The following TMEM196 variants were observed in gnomAD, a reference collection of about 807,000 sequenced individuals.
TMEM196 encodes the protein transmembrane protein 196.
Under a neutral mutation model 20.0 loss-of-function variants are expected in TMEM196, and 17 were observed. That is an observed-to-expected ratio of 0.85 (90% CI 0.58 to 1.27). TMEM196 has a LOEUF of 1.27. Ranked by LOEUF, TMEM196 falls within the 50% of genes most tolerant of loss-of-function variation. TMEM196 has a pLI of 0.00. For synonymous variants in TMEM196, 113 were observed against 88.9 expected, an observed-to-expected ratio of 1.27 and a Z score of -1.52; for missense variants, 267 against 223.0, an observed-to-expected ratio of 1.20 and a Z score of -1.26.
At chr7:19,744,597 T>G (rs1784687538) in intron 1 of TMEM196, among the ~76,000 whole-genome samples, 1 of 152,154 alleles carries the variant, frequency 6.6e-6, no homozygotes, top group African/African-American at 2.4e-5. Context: ...TCTATCAATA[T>G]CCCTTAGGGG....
At chr7:19,765,023 A>T (rs1243545454) in intron 1 of TMEM196, among the ~76,000 whole-genome samples, 1 of 152,206 alleles carries the variant, frequency 6.6e-6, no homozygotes, top group Non-Finnish European at 1.5e-5. Context: ...GACTAAGCTG[A>T]TTAAATAACA....
intron 1 of TMEM196, among the ~76,000 whole-genome samples, chr7:19,750,180 A>G (rs1458188708): frequency 6.6e-6 from 1 of 152,174 alleles, no homozygotes; most frequent in Non-Finnish European, 1.5e-5. Context: ...TCTCTCTTTA[A>G]GAGTCAGCAA....
Position 19,724,303 on chromosome 7 carries a change from G to C in TMEM196, c.510C>G (p.Pro170=). 6.5e-7 allele frequency: 1 copy of C among 1,550,262 alleles called. No individual in the cohort carries two copies. The highest frequency in any genetic ancestry group is 8.7e-7 in the Non-Finnish European group (1 of 1,146,840). ...ITDLPSCPVV[P]PTPELPTRK is the part of the protein sequence containing the mutation. ...ACCTTGTAGGTAACTCTGGTGTCGG[G>C]GGCACCACCGGGCAGCTGGGCAAGT... Residue 170 remains proline, a synonymous_variant, in exon 4 of 5, where the codon CCC becomes CCG. Coordinates refer to ENST00000405844, the MANE Select transcript of TMEM196 (RefSeq NM_001363562.2).
chr7:19,725,266 A>G (rs1304958362), intron 3 of TMEM196, among the ~76,000 whole-genome samples: 3 of 152,230 alleles, frequency 2.0e-5, no homozygotes, highest in African/African-American at 7.2e-5. Flanking sequence ...AGGGTATTCA[A>G]TATTTTATGA....
At chr7:19,741,938 T>A (rs1255117914) in intron 1 of TMEM196, among the ~76,000 whole-genome samples, 1 of 152,172 alleles carries the variant, frequency 6.6e-6, no homozygotes, top group East Asian at 1.9e-4. Context: ...GTCTTAGCAC[T>A]TTCATCTGAA....
intron 2 of TMEM196, among the ~76,000 whole-genome samples, chr7:19,728,717 C>G (rs1784084963): frequency 6.6e-6 from 1 of 152,008 alleles, no homozygotes; most frequent in African/African-American, 2.4e-5. Flanking sequence ...TCCTTATTTC[C>G]AAACCCTTAT....
chr7:19,737,723 T>TA (rs900720795), intron 1 of TMEM196, among the ~76,000 whole-genome samples: 15 of 151,356 alleles, frequency 9.9e-5, no homozygotes, highest in Non-Finnish European at 1.9e-4. Flanking sequence ...ATAGAGACAG[T>TA]AAAAAAAAGA....
intron 1 of TMEM196, among the ~76,000 whole-genome samples, chr7:19,738,905 G>A (rs920334702): frequency 3.9e-5 from 6 of 152,076 alleles, no homozygotes; most frequent in East Asian, 3.9e-4. Context: ...TGAGCCACAC[G>A]TAATGATTTT....
At chr7:19,736,354 TATATATATATATATATATATATATATA>T (rs1784402997) in intron 1 of TMEM196, among the ~76,000 whole-genome samples, 1 of 88,046 alleles carries the variant, frequency 1.1e-5, no homozygotes. Flanking sequence ...TGGTTCCTAC[TATATATATATATATATATATATATATA>T]TATATATATA....
At chr7:19,729,468 T>C in intron 1 of TMEM196, 30 bp from the exon 2 acceptor site, 1 of 1,546,562 alleles carries the variant, frequency 6.5e-7, no homozygotes, top group Non-Finnish European at 8.7e-7. Context: ...CAATTACTCC[T>C]TATCCAAAGA....
chr7:19,721,868 A>T lies in TMEM196; in HGVS notation c.*260T>A, dbSNP rs1056990524. The T allele has an allele frequency of 2.1e-6, 1 of 484,722 alleles. No homozygotes were observed. The highest frequency in any genetic ancestry group is 3.8e-5 in the East Asian group (1 of 26,134). 30.0% of individuals were successfully genotyped at this position (484,722 alleles called of 1,614,324 possible). ...ACAATCTGGAAAGCCTCTTGAAATT[A>T]TTGTACTAGAATGTTTCTGGAAAGT... On this transcript the variant is annotated 3_prime_UTR_variant, in exon 5 of 5. Transcript: ENST00000405844.
chr7:19,727,008 C>A (rs551598020), intron 2 of TMEM196, among the ~76,000 whole-genome samples: 2 of 152,252 alleles, frequency 1.3e-5, no homozygotes, highest in Admixed American at 1.3e-4. Flanking sequence ...CTAACTTGGA[C>A]TTTATTGATC....
chr7:19,722,153 G>C lies in TMEM196; in HGVS notation c.534-19C>G. ...TTATTTCCTGTTAGAAAAATGACAT[G>C]ATTAATTAAAATTCGCTTTTGGAGT... On this transcript the variant is annotated intron_variant, in intron 4 of 4. Transcript: ENST00000405844. 6.3e-7 allele frequency: 1 copy of C among 1,598,038 alleles called. No individual in the cohort carries two copies. The highest frequency in any genetic ancestry group is 8.5e-7 in the Non-Finnish European group (1 of 1,172,222).
At chr7:19,770,956 G>T (rs1785848087) in intron 1 of TMEM196, among the ~76,000 whole-genome samples, 1 of 151,544 alleles carries the variant, frequency 6.6e-6, no homozygotes, top group African/African-American at 2.4e-5. Flanking sequence ...TTCGTTGGGG[G>T]CGGGGATTGA....
intron 2 of TMEM196, among the ~76,000 whole-genome samples, chr7:19,728,151 C>T (rs778317084): frequency 5.9e-5 from 9 of 151,804 alleles, no homozygotes; most frequent in Non-Finnish European, 1.0e-4. Context: ...AACAAAAAGC[C>T]TCTTCCTTCC....
chr7:19,770,120 A>C (rs1238570981), intron 1 of TMEM196, among the ~76,000 whole-genome samples: 1 of 152,320 alleles, frequency 6.6e-6, no homozygotes, highest in Non-Finnish European at 1.5e-5. Context: ...TAAACTTCCA[A>C]GATCAAGAAT....
chr7:19,756,390 G>A (rs1785212182), intron 1 of TMEM196, among the ~76,000 whole-genome samples: 1 of 151,816 alleles, frequency 6.6e-6, no homozygotes, highest in Admixed American at 6.6e-5. Context: ...AGTTACGTGT[G>A]TAGGAGTACA....
At chr7:19,733,303 A>C (rs1285298765) in intron 1 of TMEM196, among the ~76,000 whole-genome samples, 1 of 152,186 alleles carries the variant, frequency 6.6e-6, no homozygotes, top group Non-Finnish European at 1.5e-5. Context: ...AGGACACAGA[A>C]AGATGCAAAG....
chr7:19,733,452 T>C (rs144990313), intron 1 of TMEM196, among the ~76,000 whole-genome samples: 1 of 152,306 alleles, frequency 6.6e-6, no homozygotes, highest in African/African-American at 2.4e-5. Context: ...ATGTCACCTG[T>C]TGCAGAGTAA....
Sources: gnomAD v4.1 joint callset for allele counts (sites outside exome capture counted in the v4.1 genomes callset) on GRCh38, gnomAD v4.1.1 for gene constraint, MANE v1.5 for transcripts, NCBI Gene and HGNC (gene_info 2026-07-23, HGNC 2026-07-21) for gene names.